Variants in ATP10A observed in about 807,000 individuals in gnomAD.
ATP10A encodes phospholipid-transporting ATPase VA.
A neutral mutation model predicts 147.8 loss-of-function variants in ATP10A; 111 were observed. The ratio of observed to expected loss-of-function variants is 0.75; its 90% CI spans 0.64 to 0.88. The LOEUF (loss-of-function observed/expected upper bound fraction) is 0.88. Ranked by LOEUF, ATP10A falls within the 40% of genes least tolerant of loss-of-function variation. The pLI is 0.00. For synonymous variants in ATP10A, 875 were observed against 841.6 expected (o/e 1.04, Z -0.69); for missense variants, 1,927 against 1,959.0 (o/e 0.98, Z 0.31).
At chr15:25,809,351 G>T (rs1043058682) in intron 1 of ATP10A, among the ~76,000 whole-genome samples, 1 of 152,122 alleles carries the variant, frequency 6.6e-6, no homozygotes, top group African/African-American at 2.4e-5. Context: ...TTACTGCATG[G>T]TGGAGGAATG....
chr15:25,839,552 G>A (rs1330249357), intron 1 of ATP10A, among the ~76,000 whole-genome samples: 1 of 152,122 alleles, frequency 6.6e-6, no homozygotes, highest in African/African-American at 2.4e-5. Context: ...CGGCAGGCTC[G>A]TCCTCTCTCC....
At chr15:25,739,172 C>G (rs1266805248) in intron 2 of ATP10A, among the ~76,000 whole-genome samples, 2 of 152,174 alleles carry the variant, frequency 1.3e-5, no homozygotes, top group Non-Finnish European at 2.9e-5. Context: ...TGGGTTCAAG[C>G]GATTCTCCTG....
At chr15:25,754,172 T>C (rs1888299891) in intron 2 of ATP10A, among the ~76,000 whole-genome samples, 1 of 152,100 alleles carries the variant, frequency 6.6e-6, no homozygotes, top group Non-Finnish European at 1.5e-5. Flanking sequence ...TCTCGCTCTG[T>C]CACCTGGCTG....
At chr15:25,675,083 T>G (rs1397193800), downstream of ATP10A, among the ~76,000 whole-genome samples, 5 of 152,188 alleles carry the variant, frequency 3.3e-5, no homozygotes, top group Non-Finnish European at 7.3e-5. Flanking sequence ...CGCACGCTGC[T>G]CGGGGAATTT....
chr15:25,801,903 T>C (rs1287076650), intron 1 of ATP10A, among the ~76,000 whole-genome samples: 1 of 152,172 alleles, frequency 6.6e-6, no homozygotes, highest in African/African-American at 2.4e-5. Flanking sequence ...GGTGAACAGC[T>C]GGCCACCTGC....
upstream of ATP10A, among the ~76,000 whole-genome samples, chr15:25,864,157 G>C (rs915334378): frequency 2.0e-5 from 3 of 152,090 alleles, no homozygotes; most frequent in Non-Finnish European, 4.4e-5. Context: ...GGGGAGGAGA[G>C]GGGAGCGTCA....
chr15:25,829,906 A>G (rs1171024079), intron 1 of ATP10A, among the ~76,000 whole-genome samples: 1 of 152,216 alleles, frequency 6.6e-6, no homozygotes, highest in Admixed American at 6.5e-5. Flanking sequence ...GAGGCTTCCA[A>G]GAAGAGGAGG....
intron 2 of ATP10A, among the ~76,000 whole-genome samples, chr15:25,747,699 T>C (rs979546084): frequency 6.6e-6 from 1 of 152,176 alleles, no homozygotes; most frequent in African/African-American, 2.4e-5. Context: ...AAACCCAGCA[T>C]ATTCTCAATA....
At chr15:25,712,533 G>GAA (rs1901500185) in intron 10 of ATP10A, among the ~76,000 whole-genome samples, 1 of 134,212 alleles carries the variant, frequency 7.5e-6, no homozygotes, top group Non-Finnish European at 1.6e-5. Flanking sequence ...TGGAATAAGA[G>GAA]AGATTTTTTT....
At chr15:25,681,697 C>T (rs767358321) in intron 17 of ATP10A, among the ~76,000 whole-genome samples, 3 of 152,128 alleles carry the variant, frequency 2.0e-5, no homozygotes, top group Admixed American at 6.5e-5. Flanking sequence ...TCTGCAGCTG[C>T]GTCACTCACT....
intron 13 of ATP10A, among the ~76,000 whole-genome samples, chr15:25,701,309 G>C (rs1472491713): frequency 6.6e-6 from 1 of 152,210 alleles, no homozygotes; most frequent in African/African-American, 2.4e-5. Context: ...GTGGACCTAA[G>C]AGGGGCTGGG....
At chr15:25,696,547 AT>A (rs1409187821) in intron 13 of ATP10A, among the ~76,000 whole-genome samples, 1 of 152,212 alleles carries the variant, frequency 6.6e-6, no homozygotes, top group Non-Finnish European at 1.5e-5. Flanking sequence ...GCATAGGCTC[AT>A]TACTGCAGAG....
intron 1 of ATP10A, among the ~76,000 whole-genome samples, chr15:25,845,314 T>TTGAGTGTTTGTG (rs1892968168): frequency 7.5e-6 from 1 of 133,362 alleles, no homozygotes; most frequent in African/African-American, 3.4e-5. Flanking sequence ...CACGGACCGT[T>TTGAGTGTTTGTG]TGTGTGTTTG....
chr15:25,715,359 G>A lies in ATP10A; in HGVS notation c.1777-1118C>T, dbSNP rs1477243781. Among the ~76,000 whole-genome samples, 3 of 152,226 alleles carry A rather than the reference G, an allele frequency of 2.0e-5. No individual in the cohort carries two copies. In the South Asian group the frequency reaches 6.2e-4, roughly 31 times the overall value. ...GCTCACCAACCAATATGTGGGAATAGAAATGCACCCAGAGACATCTTCACC... is the reference window on the plus strand; with the variant it reads ...GCTCACCAACCAATATGTGGGAATAAAAATGCACCCAGAGACATCTTCACC... On this transcript the variant is annotated intron_variant, in intron 9 of 20. Coordinates refer to ENST00000555815, the MANE Select transcript of ATP10A (RefSeq NM_024490.4).
At chr15:25,693,943 C>G (rs1466323682) in intron 14 of ATP10A, among the ~76,000 whole-genome samples, 1 of 152,234 alleles carries the variant, frequency 6.6e-6, no homozygotes, top group Non-Finnish European at 1.5e-5. Context: ...ATACTGCCAA[C>G]ACTGGCTGAT....
intron 2 of ATP10A, among the ~76,000 whole-genome samples, chr15:25,752,018 T>C (rs1888180574): frequency 6.6e-6 from 1 of 152,148 alleles, no homozygotes; most frequent in African/African-American, 2.4e-5. Flanking sequence ...AGATATCAAA[T>C]GTTGATGAGG....
At chr15:25,801,392 T>A (rs1890931742) in intron 1 of ATP10A, among the ~76,000 whole-genome samples, 1 of 152,180 alleles carries the variant, frequency 6.6e-6, no homozygotes, top group Non-Finnish European at 1.5e-5. Flanking sequence ...GCTCTGAGCC[T>A]CAGCATCCCC....
chr15:25,691,095 G>A (rs577440039), intron 15 of ATP10A, among the ~76,000 whole-genome samples: 1 of 152,092 alleles, frequency 6.6e-6, no homozygotes, highest in Non-Finnish European at 1.5e-5. Flanking sequence ...TTAGAACTTC[G>A]GATAAATTGT....
intron 2 of ATP10A, among the ~76,000 whole-genome samples, chr15:25,757,682 T>C (rs1888497645): frequency 6.6e-6 from 1 of 152,240 alleles, no homozygotes; most frequent in African/African-American, 2.4e-5. Context: ...TTCTTTTGCA[T>C]GAGAGATAAC....
Sources: gnomAD v4.1 joint callset for allele counts (sites outside exome capture counted in the v4.1 genomes callset) on GRCh38, gnomAD v4.1.1 for gene constraint, MANE v1.5 for transcripts, NCBI Gene and HGNC (gene_info 2026-07-23, HGNC 2026-07-21) for gene names.